The following NEDD4L variants were observed in gnomAD, a reference collection of about 807,000 sequenced individuals.
NEDD4L encodes NEDD4 like E3 ubiquitin protein ligase.
Under a neutral mutation model 148.9 loss-of-function variants are expected in NEDD4L, and 54 were observed. That is an observed-to-expected ratio of 0.36 (90% CI 0.29 to 0.45). NEDD4L has a LOEUF of 0.45. Ranked by LOEUF, NEDD4L falls within the 20% of genes least tolerant of loss-of-function variation. The pLI, the probability that NEDD4L is intolerant of heterozygous loss-of-function variation, is 1.00. For synonymous variants in NEDD4L, 433 were observed against 440.7 expected (o/e 0.98, Z 0.22); for missense variants, 856 against 1,233.8 (o/e 0.69, Z 4.59).
At chr18:58,265,023 A>C (rs1435770409) in intron 5 of NEDD4L, among the ~76,000 whole-genome samples, 3 of 151,932 alleles carry the variant, frequency 2.0e-5, no homozygotes, top group Non-Finnish European at 4.4e-5. Flanking sequence ...AAGAAGCCTT[A>C]CTCCTGATAG....
At chr18:58,201,220 C>A (rs2041369837) in intron 2 of NEDD4L, among the ~76,000 whole-genome samples, 1 of 152,014 alleles carries the variant, frequency 6.6e-6, no homozygotes, top group Non-Finnish European at 1.5e-5. Context: ...GTAATCCCAG[C>A]TACTTGGGAA....
At chr18:58,303,289 G>A (rs186709685) in intron 5 of NEDD4L, among the ~76,000 whole-genome samples, 132 of 152,228 alleles carry the variant, frequency 8.7e-4, no homozygotes, top group African/African-American at 3.1e-3. Context: ...TATTGTTTTT[G>A]GTAGTTTGAT....
chr18:58,177,610 G>C (rs2038331867), intron 2 of NEDD4L, among the ~76,000 whole-genome samples: 1 of 152,196 alleles, frequency 6.6e-6, no homozygotes, highest in South Asian at 2.1e-4. Flanking sequence ...CGTGAGGCTG[G>C]TGATCTTGGG....
At chr18:58,139,889 T>A (rs1011674769) in intron 1 of NEDD4L, among the ~76,000 whole-genome samples, 5 of 151,982 alleles carry the variant, frequency 3.3e-5, no homozygotes, top group African/African-American at 1.2e-4. Flanking sequence ...GTCAGGCAGG[T>A]GAGATGGAGG....
chr18:58,274,013 C>T (rs78790000), intron 5 of NEDD4L, among the ~76,000 whole-genome samples: 27,339 of 152,034 alleles, frequency 0.18, 2,549 homozygotes, highest in Non-Finnish European at 0.18. Context: ...GCCCTTTCTA[C>T]ACGTAGCCTT....
At chr18:58,349,854 T>G (rs530781883) in intron 17 of NEDD4L, among the ~76,000 whole-genome samples, 1 of 152,346 alleles carries the variant, frequency 6.6e-6, no homozygotes, top group East Asian at 1.9e-4. Flanking sequence ...AGATAGACCT[T>G]GTACACAGGA....
At chr18:58,239,426 A>C (rs2046384458) in intron 2 of NEDD4L, among the ~76,000 whole-genome samples, 2 of 152,214 alleles carry the variant, frequency 1.3e-5, no homozygotes, top group Non-Finnish European at 2.9e-5. Flanking sequence ...GCAGGGTGTC[A>C]TTGCAATCTG....
chr18:58,235,035 C>T (rs1364806605), intron 2 of NEDD4L, among the ~76,000 whole-genome samples: 1 of 142,820 alleles, frequency 7.0e-6, no homozygotes, highest in Non-Finnish European at 1.5e-5. Context: ...CTTCTGGCAC[C>T]GTTGTTACTC....
At chr18:58,293,575 A>C (rs2055087280) in intron 5 of NEDD4L, among the ~76,000 whole-genome samples, 4 of 152,230 alleles carry the variant, frequency 2.6e-5, no homozygotes, top group Admixed American at 6.5e-5. Context: ...TGTAATAATA[A>C]ACTGCTGTTT....
chr18:58,184,422 C>T (rs1302403918), intron 2 of NEDD4L, among the ~76,000 whole-genome samples: 1 of 151,976 alleles, frequency 6.6e-6, no homozygotes, highest in Non-Finnish European at 1.5e-5. Flanking sequence ...TACCGAGAGG[C>T]CTTGCTGGGC....
At chr18:58,240,649 T>G (rs918433247) in intron 2 of NEDD4L, among the ~76,000 whole-genome samples, 2 of 152,178 alleles carry the variant, frequency 1.3e-5, no homozygotes, top group African/African-American at 4.8e-5. Context: ...GTCAGTCCTT[T>G]CTGATTTTTG....
chr18:58,161,217 A>G (rs1407956860), intron 1 of NEDD4L, among the ~76,000 whole-genome samples: 1 of 151,972 alleles, frequency 6.6e-6, no homozygotes, highest in Non-Finnish European at 1.5e-5. Context: ...TTTAGTAGAG[A>G]CAGGGTTTTC....
intron 1 of NEDD4L, among the ~76,000 whole-genome samples, chr18:58,162,968 G>A (rs918377470): frequency 1.3e-5 from 2 of 151,926 alleles, no homozygotes; most frequent in African/African-American, 2.4e-5. Context: ...GGAGGCTGAC[G>A]CAGAAGAATC....
At chr18:58,210,106 C>T (rs2042449714) in intron 2 of NEDD4L, among the ~76,000 whole-genome samples, 1 of 151,628 alleles carries the variant, frequency 6.6e-6, no homozygotes, top group Non-Finnish European at 1.5e-5. Flanking sequence ...GCAGAGGTTG[C>T]GGTGAGCCAA....
At chr18:58,149,955 A>G (rs75800824) in intron 1 of NEDD4L, among the ~76,000 whole-genome samples, 6,687 of 152,184 alleles carry the variant, frequency 0.044, 478 homozygotes, top group African/African-American at 0.15. Flanking sequence ...GTGGATGGTA[A>G]TTTATTTCTG....
At chr18:58,242,665 T>C (rs1376380554) in intron 2 of NEDD4L, among the ~76,000 whole-genome samples, 1 of 152,078 alleles carries the variant, frequency 6.6e-6, no homozygotes, top group African/African-American at 2.4e-5. Context: ...CACACGCAGC[T>C]ACATTTTTTT....
At position 58,114,359 on chromosome 18, in the gene NEDD4L, T is replaced by TACAC. The variant is rs200118224; in HGVS notation, c.49-51428_49-51427insCACA. The stretch of plus-strand genomic sequence containing the variant: ...GAGATTTAAAAAAAATATATATATA[T>TACAC]ATACACACACACACACACATACACA... On this transcript the variant is annotated intron_variant, in intron 1 of 30. Coordinates refer to ENST00000400345, the MANE Select transcript of NEDD4L (RefSeq NM_001144967.3). Among the ~76,000 whole-genome samples, 345 of 142,082 alleles carry TACAC rather than the reference T, an allele frequency of 2.4e-3. 2 individuals carry two copies. Among genetic ancestry groups the TACAC allele is most frequent in the African/African-American group, 8.5e-3 (310 of 36,368 alleles). 93.2% of individuals were successfully genotyped at this position (142,082 alleles called of 152,430 possible). A position where few individuals can be genotyped will look rare whatever the true frequency, so the allele number is the denominator to read the frequency against.
At chr18:58,354,480 T>G (rs1052704719) in intron 18 of NEDD4L, among the ~76,000 whole-genome samples, 3 of 152,158 alleles carry the variant, frequency 2.0e-5, no homozygotes, top group African/African-American at 7.2e-5. Context: ...TACCCCATAC[T>G]TTCATACATT....
At chr18:58,301,962 C>T (rs1396232120) in intron 5 of NEDD4L, among the ~76,000 whole-genome samples, 4 of 152,160 alleles carry the variant, frequency 2.6e-5, no homozygotes, top group Non-Finnish European at 5.9e-5. Flanking sequence ...CATCACATCC[C>T]CTTGTTGCCC....
Sources: gnomAD v4.1 joint callset for allele counts (sites outside exome capture counted in the v4.1 genomes callset) on GRCh38, gnomAD v4.1.1 for gene constraint, MANE v1.5 for transcripts, NCBI Gene and HGNC (gene_info 2026-07-23, HGNC 2026-07-21) for gene names.